Variants in COG5 observed in about 807,000 individuals in gnomAD.
COG5 encodes conserved oligomeric Golgi complex subunit 5.
A neutral mutation model predicts 110.4 loss-of-function variants in COG5; 86 were observed. That is an observed-to-expected ratio of 0.78 (90% CI 0.65 to 0.93). The LOEUF (loss-of-function observed/expected upper bound fraction) is 0.93. Among genes scored for constraint, COG5 ranks in the 40% least tolerant of loss-of-function variants. The pLI, the probability that COG5 is intolerant of heterozygous loss-of-function variation, is 0.00. For missense variants in COG5, 1,077 were observed against 987.0 expected, an observed-to-expected ratio of 1.09 and a Z score of -1.22; for synonymous variants, 360 against 334.6, an observed-to-expected ratio of 1.08 and a Z score of -0.83.
chr7:107,256,465 TTAGA>T (rs1802885479), intron 16 of COG5, among the ~76,000 whole-genome samples: 1 of 152,144 alleles, frequency 6.6e-6, no homozygotes. Context: ...TGTACTGCCA[TTAGA>T]TAAATACATG....
intron 10 of COG5, among the ~76,000 whole-genome samples, chr7:107,334,433 A>G (rs1810534321): frequency 6.6e-6 from 1 of 152,200 alleles, no homozygotes; most frequent in Admixed American, 6.5e-5. Flanking sequence ...CAGTTACAGG[A>G]AGGTTGAAAA....
chr7:107,217,688 A>C (rs2116271902), intron 19 of COG5, among the ~76,000 whole-genome samples: 1 of 152,278 alleles, frequency 6.6e-6, no homozygotes. Context: ...ACAAAATTCA[A>C]CACCCTTTTA....
At chr7:107,249,713 T>C (rs941551945) in intron 16 of COG5, among the ~76,000 whole-genome samples, 24 of 149,238 alleles carry the variant, frequency 1.6e-4, no homozygotes, top group African/African-American at 3.4e-4. Context: ...TGTGTGTGTG[T>C]GTGTGTGTGT....
At chr7:107,432,747 G>C (rs1297608891) in intron 6 of COG5, among the ~76,000 whole-genome samples, 1 of 151,918 alleles carries the variant, frequency 6.6e-6, no homozygotes, top group Non-Finnish European at 1.5e-5. Flanking sequence ...AAAAAGTCCA[G>C]GGATGCATCC....
intron 7 of COG5, among the ~76,000 whole-genome samples, chr7:107,392,435 A>C (rs1790687739): frequency 1.3e-5 from 2 of 152,176 alleles, no homozygotes; most frequent in African/African-American, 4.8e-5. Context: ...GAGACAAGGA[A>C]TAGACGGCAG....
intron 7 of COG5, among the ~76,000 whole-genome samples, chr7:107,373,739 G>A (rs1814391923): frequency 6.6e-6 from 1 of 152,112 alleles, no homozygotes; most frequent in Non-Finnish European, 1.5e-5. Context: ...GCTAGAAGTT[G>A]AGACACTGAC....
intron 6 of COG5, among the ~76,000 whole-genome samples, chr7:107,437,681 C>T (rs1346441922): frequency 6.6e-6 from 1 of 152,070 alleles, no homozygotes; most frequent in East Asian, 1.9e-4. Flanking sequence ...TTTAGATGCA[C>T]ATATTAATGT....
Position 107,442,484 on chromosome 7 carries a change from T to G in COG5, c.539-29852A>C, listed in dbSNP as rs144563373. ...TATGTGTCAGGAGTAACCCACAGGTTTTTTGTTGTTTTTTTTTTTTAAATA... is the reference window on the plus strand; with the variant it reads ...TATGTGTCAGGAGTAACCCACAGGTGTTTTGTTGTTTTTTTTTTTTAAATA... On this transcript the variant is annotated intron_variant, in intron 6 of 21. Coordinates refer to ENST00000297135, the MANE Select transcript of COG5 (RefSeq NM_006348.5). Among the ~76,000 whole-genome samples, 315 of 126,238 alleles carry G rather than the reference T, an allele frequency of 2.5e-3. 2 individuals are homozygous for G. Among genetic ancestry groups the G allele is most frequent in the Non-Finnish European group, 4.9e-3 (270 of 54,722 alleles). 82.8% of individuals were successfully genotyped at this position (126,238 alleles called of 152,430 possible).
intron 19 of COG5, among the ~76,000 whole-genome samples, chr7:107,213,926 A>T (rs1215987038): frequency 6.6e-6 from 1 of 152,234 alleles, no homozygotes; most frequent in Non-Finnish European, 1.5e-5. Context: ...CCCTAAAGAG[A>T]CGGTCATCTA....
Position 107,230,644 on chromosome 7 carries a change from T to G in COG5, c.2139A>C (p.Gly713=). The G allele has an allele frequency of 1.9e-6, 3 of 1,613,448 alleles. No individual in the cohort carries two copies. The highest frequency in any genetic ancestry group is 2.5e-6 in the Non-Finnish European group (3 of 1,179,420). The change falls in exon 19 of 22, where the codon GGA becomes GGC. Residue 713 remains glycine (G), a synonymous_variant. Coordinates refer to ENST00000297135, the MANE Select transcript of COG5 (RefSeq NM_006348.5). ...GPFCRRVSDL[G]KSYRMLRSFR... ...ATGATCTCAGCATCCGATAGGACTT[T>G]CCTAAATCAGATACTCGTCTACAGA...
intron 21 of COG5, chr7:107,210,166 A>G (rs1173173998): frequency 4.5e-6 from 5 of 1,114,828 alleles, no homozygotes; most frequent in African/African-American, 1.6e-5. Context: ...TCTGTGTTCC[A>G]CCAATTCAGT....
At chr7:107,558,921 A>G (rs1803550920) in intron 1 of COG5, among the ~76,000 whole-genome samples, 1 of 133,688 alleles carries the variant, frequency 7.5e-6, no homozygotes, top group Admixed American at 7.8e-5. Context: ...TCTCAAAAAA[A>G]AAAAAAAAAA....
At chr7:107,432,460 C>T (rs959008002) in intron 6 of COG5, among the ~76,000 whole-genome samples, 2 of 152,070 alleles carry the variant, frequency 1.3e-5, no homozygotes, top group African/African-American at 4.8e-5. Context: ...CCACCTAATC[C>T]TCTGAGGACA....
chr7:107,364,116 G>T (rs985845041), intron 8 of COG5, among the ~76,000 whole-genome samples: 3 of 152,148 alleles, frequency 2.0e-5, no homozygotes, highest in Admixed American at 1.3e-4. Flanking sequence ...CAGCAATAAT[G>T]AAACAAACTG....
At chr7:107,301,313 GA>G (rs1464142868) in intron 11 of COG5, among the ~76,000 whole-genome samples, 1 of 151,960 alleles carries the variant, frequency 6.6e-6, no homozygotes, top group Admixed American at 6.6e-5. Context: ...CTAAGAAAAT[GA>G]AAATACACGC....
At chr7:107,299,989 G>C (rs1807126293) in intron 11 of COG5, among the ~76,000 whole-genome samples, 1 of 150,478 alleles carries the variant, frequency 6.6e-6, no homozygotes, top group African/African-American at 2.4e-5. Context: ...CCAAAGTGTT[G>C]GGATTACAGA....
chr7:107,558,160 C>T (rs773208178), intron 1 of COG5, 45 bp from the exon 2 acceptor site: 1 of 1,583,782 alleles, frequency 6.3e-7, no homozygotes, highest in Non-Finnish European at 8.7e-7. Context: ...TTACCCTGTA[C>T]TAAACCAGTT....
intron 6 of COG5, among the ~76,000 whole-genome samples, chr7:107,425,695 G>A (rs991731537): frequency 2.6e-5 from 4 of 152,084 alleles, no homozygotes; most frequent in African/African-American, 4.8e-5. Context: ...GATGCAATAC[G>A]CTGATGTAAA....
intron 17 of COG5, among the ~76,000 whole-genome samples, chr7:107,239,613 T>C (rs1408599948): frequency 3.3e-5 from 5 of 152,140 alleles, no homozygotes; most frequent in African/African-American, 1.2e-4. Flanking sequence ...TTTGTGTTTT[T>C]GTTGATTTCT....
Sources: gnomAD v4.1 joint callset for allele counts (sites outside exome capture counted in the v4.1 genomes callset) on GRCh38, gnomAD v4.1.1 for gene constraint, MANE v1.5 for transcripts, NCBI Gene and HGNC (gene_info 2026-07-23, HGNC 2026-07-21) for gene names.